The following SNTG1 variants were observed in gnomAD, a reference collection of about 807,000 sequenced individuals.
The protein encoded by SNTG1 is gamma-1-syntrophin.
SNTG1 carries 39 observed loss-of-function variants against 74.7 expected under a neutral mutation model. The observed-to-expected ratio is 0.52, with a 90% CI of 0.40 to 0.68. SNTG1 has a LOEUF of 0.68. Among genes scored for constraint, SNTG1 ranks in the 30% least tolerant of loss-of-function variants. The pLI, the probability that SNTG1 is intolerant of heterozygous loss-of-function variation, is 0.00. For synonymous variants in SNTG1, 254 were observed against 217.1 expected (o/e 1.17, Z -1.49); for missense variants, 685 against 609.5 (o/e 1.12, Z -1.30).
intron 2 of SNTG1, among the ~76,000 whole-genome samples, chr8:50,266,637 C>T (rs2087480631): frequency 7.1e-6 from 1 of 139,882 alleles, no homozygotes; most frequent in South Asian, 2.3e-4. Flanking sequence ...AAGTGAAAGA[C>T]ACAGAATTAT....
At chr8:50,093,660 C>A (rs1368551542) in intron 1 of SNTG1, among the ~76,000 whole-genome samples, 2 of 151,916 alleles carry the variant, frequency 1.3e-5, no homozygotes, top group East Asian at 1.9e-4. Context: ...CCTTGTAAGA[C>A]CTACGAGATG....
chr8:50,661,214 A>G (rs1023524938), intron 15 of SNTG1, among the ~76,000 whole-genome samples: 30 of 152,226 alleles, frequency 2.0e-4, no homozygotes, highest in Admixed American at 1.8e-3. Context: ...AAATCAATAA[A>G]GAAGACAAAA....
intron 18 of SNTG1, among the ~76,000 whole-genome samples, chr8:50,784,536 T>A (rs1264696812): frequency 6.6e-6 from 1 of 152,082 alleles, no homozygotes; most frequent in Non-Finnish European, 1.5e-5. Flanking sequence ...CCAAAAGGTA[T>A]GGAACAAATG....
chr8:50,250,978 T>C (rs1193431213), intron 2 of SNTG1, among the ~76,000 whole-genome samples: 1 of 115,492 alleles, frequency 8.7e-6, no homozygotes, highest in Non-Finnish European at 1.9e-5. Flanking sequence ...TATTACAGTA[T>C]GTAGGTTTAA....
chr8:50,683,485 C>T (rs1366576265), intron 15 of SNTG1, among the ~76,000 whole-genome samples: 1 of 152,068 alleles, frequency 6.6e-6, no homozygotes, highest in Non-Finnish European at 1.5e-5. Context: ...CCAAAAACTT[C>T]CCCTTTATCT....
At chr8:50,138,429 C>T (rs181812801) in intron 1 of SNTG1, among the ~76,000 whole-genome samples, 19 of 151,540 alleles carry the variant, frequency 1.3e-4, no homozygotes, top group African/African-American at 4.1e-4. Flanking sequence ...ACCAGCCTGG[C>T]CAATATGGTG....
intron 14 of SNTG1, among the ~76,000 whole-genome samples, chr8:50,657,925 G>C (rs905569576): frequency 6.6e-6 from 1 of 152,048 alleles, no homozygotes; most frequent in Non-Finnish European, 1.5e-5. Context: ...TGCCAGACCA[G>C]TCACTTGCAG....
intron 1 of SNTG1, among the ~76,000 whole-genome samples, chr8:50,101,604 A>T (rs528888646): frequency 1.3e-5 from 2 of 151,910 alleles, no homozygotes; most frequent in Admixed American, 6.6e-5. Context: ...CATGTGCACA[A>T]TGTGCAGGTT....
chr8:50,715,687 G>C (rs887199086), intron 17 of SNTG1, among the ~76,000 whole-genome samples: 3 of 152,140 alleles, frequency 2.0e-5, no homozygotes, highest in African/African-American at 7.2e-5. Flanking sequence ...TATGGAGGAT[G>C]TTTGTTAAAA....
chr8:50,460,799 A>G (rs1485876315), intron 8 of SNTG1, among the ~76,000 whole-genome samples: 2 of 152,092 alleles, frequency 1.3e-5, no homozygotes, highest in African/African-American at 2.4e-5. Context: ...GGCTGTGGGC[A>G]TATGGTTTTA....
chr8:50,017,429 A>G (rs992154714), intron 1 of SNTG1, among the ~76,000 whole-genome samples: 3 of 152,092 alleles, frequency 2.0e-5, no homozygotes, highest in African/African-American at 7.2e-5. Context: ...TCATCTGTAA[A>G]TAAACTAAAT....
At chr8:50,433,878 A>G (rs905852958) in intron 4 of SNTG1, among the ~76,000 whole-genome samples, 1 of 152,162 alleles carries the variant, frequency 6.6e-6, no homozygotes, top group African/African-American at 2.4e-5. Flanking sequence ...AAGTACACAT[A>G]GTAGATTTTT....
chr8:50,415,314 T>C (rs1292573102), intron 4 of SNTG1, among the ~76,000 whole-genome samples: 1 of 152,158 alleles, frequency 6.6e-6, no homozygotes, highest in African/African-American at 2.4e-5. Context: ...GAAGGTAATA[T>C]TTAAATGAGA....
intron 1 of SNTG1, among the ~76,000 whole-genome samples, chr8:50,084,472 TAAAA>T (rs530611692): frequency 2.6e-5 from 4 of 151,558 alleles, no homozygotes; most frequent in African/African-American, 9.7e-5. Context: ...AAAAATAAAA[TAAAA>T]AAAAGTAGAC....
At chr8:49,970,384 C>T (rs1320730331) in intron 1 of SNTG1, among the ~76,000 whole-genome samples, 1 of 152,148 alleles carries the variant, frequency 6.6e-6, no homozygotes, top group East Asian at 1.9e-4. Context: ...TTCAGTAATG[C>T]ATGTGTGTTT....
chr8:50,037,400 G>GA (rs1273978885), intron 1 of SNTG1, among the ~76,000 whole-genome samples: 1 of 152,092 alleles, frequency 6.6e-6, no homozygotes, highest in Non-Finnish European at 1.5e-5. Context: ...GATGGCCAAT[G>GA]ATGCCAGCCT....
intron 2 of SNTG1, among the ~76,000 whole-genome samples, chr8:50,296,810 A>G (rs913810059): frequency 3.3e-5 from 5 of 151,502 alleles, no homozygotes; most frequent in Non-Finnish European, 7.4e-5. Context: ...AGAGAAAGAA[A>G]AAGCAAAACG....
At chr8:50,582,600 T>G (rs962551664) in intron 12 of SNTG1, among the ~76,000 whole-genome samples, 1 of 152,104 alleles carries the variant, frequency 6.6e-6, no homozygotes, top group Admixed American at 6.6e-5. Context: ...TCTGATTTAT[T>G]TGAGGTACTG....
At chr8:50,667,861 G>A (rs891619516) in intron 15 of SNTG1, among the ~76,000 whole-genome samples, 9 of 151,916 alleles carry the variant, frequency 5.9e-5, no homozygotes, top group Admixed American at 2.6e-4. Flanking sequence ...AATTAAATTA[G>A]TATAAAAGTT....
Sources: gnomAD v4.1 joint callset for allele counts (sites outside exome capture counted in the v4.1 genomes callset) on GRCh38, gnomAD v4.1.1 for gene constraint, MANE v1.5 for transcripts, NCBI Gene and HGNC (gene_info 2026-07-23, HGNC 2026-07-21) for gene names.